ADAMTS9: variants seen among roughly 807,000 people sequenced by gnomAD.
ADAMTS9 encodes ADAM metallopeptidase with thrombospondin type 1 motif 9.
In ADAMTS9, 107 loss-of-function variants were observed where a neutral mutation model predicts 257.1. The observed-to-expected ratio is 0.42, with a 90% CI of 0.36 to 0.49. The LOEUF (loss-of-function observed/expected upper bound fraction) is 0.49, where lower values mean the gene tolerates loss of function less well. Among genes scored for constraint, ADAMTS9 ranks in the 20% least tolerant of loss-of-function variants. The probability of loss-of-function intolerance (pLI) is 0.03; values close to 1 mark genes in which losing one functional copy is unlikely to be tolerated. For missense variants in ADAMTS9, 2,353 were observed against 2,469.1 expected (o/e 0.95, Z 1.00); for synonymous variants, 982 against 880.9 (o/e 1.11, Z -2.03).
chr3:64,592,107 T>C (rs1007083034), intron 28 of ADAMTS9, among the ~76,000 whole-genome samples: 4 of 152,220 alleles, frequency 2.6e-5, no homozygotes, highest in African/African-American at 7.2e-5. Context: ...CTCTCACTCA[T>C]ATATTTAGGA....
In ADAMTS9 at chr3:64,515,856, G is replaced by A. The variant is rs1335423572; in HGVS notation, c.*1271C>T. On this transcript the variant is annotated 3_prime_UTR_variant, in exon 40 of 40. Transcript: ENST00000498707. ...TTCTCAAACCAAGTGTCTTCCATGG[G>A]CCATTGGCAAAGGCTTCCCTTCATC... 1 of 152,160 alleles carries A rather than the reference G, an allele frequency of 6.6e-6. No homozygotes were observed. The highest frequency in any genetic ancestry group is 1.5e-5 in the Non-Finnish European group (1 of 68,026). 9.4% of individuals were successfully genotyped at this position (152,160 alleles called of 1,614,324 possible). A position where few individuals can be genotyped will look rare whatever the true frequency, so the allele number is the denominator to read the frequency against.
intron 10 of ADAMTS9, among the ~76,000 whole-genome samples, chr3:64,648,998 A>G (rs1268053929): frequency 6.6e-6 from 1 of 152,148 alleles, no homozygotes; most frequent in South Asian, 2.1e-4. Flanking sequence ...AAAGAAACAC[A>G]CATACGCCAC....
intron 3 of ADAMTS9, among the ~76,000 whole-genome samples, chr3:64,677,345 C>T (rs1300626384): frequency 1.3e-5 from 2 of 152,174 alleles, no homozygotes; most frequent in East Asian, 3.8e-4. Context: ...TACACATAGA[C>T]ATAACCAGTG....
chr3:64,667,731 A>G (rs1298195623), intron 3 of ADAMTS9, among the ~76,000 whole-genome samples: 1 of 152,192 alleles, frequency 6.6e-6, no homozygotes. Context: ...ACTATAGGCT[A>G]TAATCATACT....
chr3:64,586,562 C>T (rs1017569105), intron 28 of ADAMTS9, among the ~76,000 whole-genome samples: 3 of 152,024 alleles, frequency 2.0e-5, no homozygotes, highest in Admixed American at 6.6e-5. Context: ...TTGCCCTAAA[C>T]GGGGGGAAAA....
At chr3:64,545,962 G>A (rs907664334) in intron 32 of ADAMTS9, among the ~76,000 whole-genome samples, 2 of 152,018 alleles carry the variant, frequency 1.3e-5, no homozygotes, top group African/African-American at 2.4e-5. Flanking sequence ...AGTCTTCCAG[G>A]GCAGTCCCAA....
intron 22 of ADAMTS9, among the ~76,000 whole-genome samples, chr3:64,610,728 A>G (rs1161203434): frequency 6.6e-6 from 1 of 152,150 alleles, no homozygotes; most frequent in African/African-American, 2.4e-5. Context: ...GTATTATATG[A>G]TAATAAAAAT....
intron 19 of ADAMTS9, among the ~76,000 whole-genome samples, chr3:64,618,186 G>T (rs950717303): frequency 6.6e-6 from 1 of 152,058 alleles, no homozygotes; most frequent in East Asian, 1.9e-4. Context: ...CTAAACTCCT[G>T]GTTTTTCTTT....
intron 28 of ADAMTS9, among the ~76,000 whole-genome samples, chr3:64,578,073 C>G (rs780204324): frequency 6.6e-6 from 1 of 152,118 alleles, no homozygotes; most frequent in Non-Finnish European, 1.5e-5. Context: ...ATGCCAACTC[C>G]AGAACTAAGA....
At chr3:64,542,003 A>G (rs1406985167) in intron 32 of ADAMTS9, 33 bp from the exon 33 acceptor site, 3 of 1,613,210 alleles carry the variant, frequency 1.9e-6, no homozygotes, top group Admixed American at 1.7e-5. Context: ...CGGTGTGGCT[A>G]TGGAATGTGG....
intron 38 of ADAMTS9, among the ~76,000 whole-genome samples, chr3:64,524,655 T>C (rs766456403): frequency 6.6e-6 from 1 of 152,226 alleles, no homozygotes; most frequent in South Asian, 2.1e-4. Flanking sequence ...TTGTGCAAAT[T>C]TGTTTTCTCT....
At chr3:64,588,099 A>G (rs2084193387) in intron 28 of ADAMTS9, 1 of 152,186 alleles carries the variant, frequency 6.6e-6, no homozygotes, top group Non-Finnish European at 1.5e-5. Context: ...AGCATCTGTC[A>G]TTTAAAATGA....
At chr3:64,625,519 G>A (rs1394906041) in intron 16 of ADAMTS9, among the ~76,000 whole-genome samples, 3 of 152,258 alleles carry the variant, frequency 2.0e-5, no homozygotes, top group Non-Finnish European at 1.5e-5. Context: ...ATAGACATGG[G>A]AACCTCACAG....
intron 3 of ADAMTS9, among the ~76,000 whole-genome samples, chr3:64,678,366 G>A (rs150994264): frequency 6.8e-4 from 104 of 152,340 alleles, no homozygotes. Context: ...AATGCCAACA[G>A]CAAGTGACAG....
At chr3:64,654,497 A>C in intron 7 of ADAMTS9, 39 bp from the exon 8 acceptor site, 1 of 1,608,036 alleles carries the variant, frequency 6.2e-7, no homozygotes. Context: ...TTTACTCTAA[A>C]AAGCAACTGT....
At chr3:64,594,184 G>A in intron 28 of ADAMTS9, 74 bp downstream of exon 28, 1 of 1,469,026 alleles carries the variant, frequency 6.8e-7, no homozygotes, top group Non-Finnish European at 9.2e-7. Flanking sequence ...ACAATTATCT[G>A]CCACAGAGGA....
At chr3:64,658,069 A>C (rs1701125995) in intron 4 of ADAMTS9, among the ~76,000 whole-genome samples, 1 of 152,134 alleles carries the variant, frequency 6.6e-6, no homozygotes, top group African/African-American at 2.4e-5. Flanking sequence ...CTGGCTGTAC[A>C]AAGTTCCTAA....
In ADAMTS9 at chr3:64,621,254, G is replaced by GA. The variant is rs142088896; in HGVS notation, c.2687-15dup. ...GTTTCCGTTCCCCTAAGCAGAAAGG[G>GA]AAAAAAAATTATTCAGGGAAAATAA... is the stretch of plus-strand genomic sequence containing the variant. On this transcript the variant is annotated splice_polypyrimidine_tract_variant and intron_variant, in intron 18 of 39. Coordinates refer to ENST00000498707, the MANE Select transcript of ADAMTS9 (RefSeq NM_182920.2). 1.4e-5 allele frequency: 23 copies of GA among 1,599,956 alleles called. No individual in the cohort carries two copies. The highest frequency in any genetic ancestry group is 1.1e-4 in the East Asian group (5 of 44,602).
At chr3:64,675,793 T>C (rs1387892991) in intron 3 of ADAMTS9, among the ~76,000 whole-genome samples, 1 of 152,174 alleles carries the variant, frequency 6.6e-6, no homozygotes, top group Non-Finnish European at 1.5e-5. Context: ...TGAGCTAATT[T>C]TCTCAACTGT....
Sources: allele counts gnomAD v4.1 joint callset (sites outside exome capture counted in the v4.1 genomes callset), GRCh38; gene constraint gnomAD v4.1.1; transcripts MANE v1.5; gene names NCBI Gene and HGNC (gene_info 2026-07-23, HGNC 2026-07-21).